Variants in NUP210 observed in about 807,000 individuals in gnomAD.
NUP210 encodes the protein nucleoporin 210, also known as nuclear pore membrane glycoprotein 210.
NUP210 carries 151 observed loss-of-function variants against 196.0 expected under a neutral mutation model. That is an observed-to-expected ratio of 0.77 (90% CI 0.67 to 0.88). NUP210 has a LOEUF of 0.88. NUP210 is among the 40% of genes least tolerant of loss of function. The pLI is 0.00. For synonymous variants in NUP210, 1,070 were observed against 1,052.7 expected, an observed-to-expected ratio of 1.02 and a Z score of -0.32; for missense variants, 2,314 against 2,493.7, an observed-to-expected ratio of 0.93 and a Z score of 1.53.
rs1476547734 is a variant in NUP210, at chr3:13,348,431, T to C, written c.2835+3448A>G. 1.0e-6 allele frequency: 1 copy of C among 985,376 alleles called. No homozygotes were observed. The highest frequency in any genetic ancestry group is 1.7e-5 in the African/African-American group (1 of 57,332). The allele number at this position is 985,376 out of a possible 1,614,324, so 61.0% of individuals were successfully genotyped here. On this transcript the variant is annotated intron_variant, in intron 20 of 39. Coordinates refer to ENST00000254508, the MANE Select transcript of NUP210 (RefSeq NM_024923.4). The surrounding 1 kb of genome is among the most constrained non-coding windows in gnomAD (Gnocchi z 4.0). ...GGTGCAAGGTAAATGTGAATGAGAGTGTGCCTCGGTTTCACTGGCACTGTA... is the reference window on the plus strand; with the variant it reads ...GGTGCAAGGTAAATGTGAATGAGAGCGTGCCTCGGTTTCACTGGCACTGTA...
chr3:13,346,615 C>G (rs779854051), intron 20 of NUP210, among the ~76,000 whole-genome samples: 1 of 152,198 alleles, frequency 6.6e-6, no homozygotes, highest in African/African-American at 2.4e-5. Context: ...TCAAATACCT[C>G]GGAGCTTGCC....
At position 13,377,448 on chromosome 3, in the gene NUP210, G is replaced by A. The variant is rs1249131510; in HGVS notation, c.1152+8C>T. The stretch of plus-strand genomic sequence containing the variant: ...ATCCCCCCAGCCAGGACCTGAACAG[G>A]CACTCACGTCAGATACATAGACCTT... On this transcript the variant is annotated splice_region_variant and intron_variant, in intron 9 of 39. Transcript: ENST00000254508. 6.3e-7 allele frequency: 1 copy of A among 1,592,608 alleles called. No individual in the cohort carries two copies. The highest frequency in any genetic ancestry group is 8.6e-7 in the Non-Finnish European group (1 of 1,161,116).
intron 1 of NUP210, among the ~76,000 whole-genome samples, chr3:13,401,193 AG>A (rs901748537): frequency 0.021 from 24 of 1,164 alleles, no homozygotes; most frequent in African/African-American, 4.0e-3. Context: ...CGGCAGGCGG[AG>A]GCCTGCAGTG....
chr3:13,418,275 T>C (rs950041568), intron 1 of NUP210, among the ~76,000 whole-genome samples: 3 of 152,200 alleles, frequency 2.0e-5, no homozygotes, highest in Non-Finnish European at 4.4e-5. Flanking sequence ...TACGTCTTGA[T>C]TTCAGGAAGG....
chr3:13,399,930 A>C (rs961286427), intron 1 of NUP210, 69 bp from the exon 2 acceptor site: 1 of 1,520,146 alleles, frequency 6.6e-7, no homozygotes, highest in African/African-American at 1.4e-5. Context: ...TCCAGACACC[A>C]GGCTGTGGCA....
At chr3:13,394,374 TTA>T (rs1287113898) in intron 3 of NUP210, among the ~76,000 whole-genome samples, 4 of 152,256 alleles carry the variant, frequency 2.6e-5, no homozygotes, top group Non-Finnish European at 5.9e-5. Context: ...AAAGAAGCTA[TTA>T]GTACCTACTA....
chr3:13,337,039 A>C, intron 26 of NUP210, 121 bp from the exon 27 acceptor site: 1 of 1,237,698 alleles, frequency 8.1e-7, no homozygotes, highest in Non-Finnish European at 1.1e-6. Flanking sequence ...ACTAGAGAAG[A>C]GCATGGCACA....
rs552329643 is a variant in NUP210, at chr3:13,366,052, C to T, written c.1826G>A (p.Arg609Gln). The T allele has an allele frequency of 9.3e-6, 15 of 1,614,160 alleles. No individual in the cohort carries two copies. The highest frequency in any genetic ancestry group is 6.7e-5 in the East Asian group (3 of 44,876). The change falls in exon 14 of 40, where the codon CGG (arginine) becomes CAG (glutamine). Residue 609 changes from arginine to glutamine, a missense_variant. Arg to Gln is a conservative substitution (Grantham distance 43). Coordinates refer to ENST00000254508, the MANE Select transcript of NUP210 (RefSeq NM_024923.4). ...AGAGCCCTGGGCCTCGGCCTTTACC[C>T]GGATGCCGCTGCAGTGCTCAGAGCC... ...PPGSEHCSGI[R>Q]VKAEAQGSTT...
rs370788933 is a variant in NUP210, at chr3:13,397,349, G to A, written c.436+8C>T. On this transcript the variant is annotated splice_region_variant and intron_variant, in intron 3 of 39. Coordinates refer to ENST00000254508, the MANE Select transcript of NUP210 (RefSeq NM_024923.4). Reference sequence around the variant, plus strand: ...TGCAGAAGACAAACAGGCAGGGGACGTTCTCACCTTCGGAGTCCAGGGCCT... The same window carrying A: ...TGCAGAAGACAAACAGGCAGGGGACATTCTCACCTTCGGAGTCCAGGGCCT... 120 of 1,608,120 alleles carry A rather than the reference G, an allele frequency of 7.5e-5. No homozygotes were observed. The highest frequency in any genetic ancestry group is 9.1e-5 in the Non-Finnish European group (107 of 1,178,034).
In NUP210 at chr3:13,397,394, GGA is replaced by G; in HGVS notation, c.397_398del (p.Ser133ProfsTer117). Reference protein sequence around the residue: ...STTRELYLEDSPLELKIQALD... With the variant: ...STTRELYLEDXPLELKIQALD... Reference sequence around the variant, plus strand: ...GGGCCTGGATCTTCAGCTCCAGGGGGGAGTCCTCCAGGTAGAGCTCGCGGGTG... The same window carrying G: ...GGGCCTGGATCTTCAGCTCCAGGGGGGTCCTCCAGGTAGAGCTCGCGGGTG... On this transcript the variant is annotated frameshift_variant, in exon 3 of 40. Transcript: ENST00000254508. LOFTEE classifies it high-confidence loss of function. 6.2e-7 allele frequency: 1 copy of G among 1,612,086 alleles called. No individual in the cohort carries two copies. Among genetic ancestry groups the G allele is most frequent in the Non-Finnish European group, 8.5e-7 (1 of 1,179,252 alleles).
Position 13,345,059 on chromosome 3 carries a change from G to A in NUP210, c.2836-1756C>T, listed in dbSNP as rs149841918. The A allele has an allele frequency of 1.5e-3, 1,490 of 985,366 alleles. 1 individual carries two copies. The highest frequency in any genetic ancestry group is 2.2e-3 in the Admixed American group (36 of 16,280). 61.0% of individuals were successfully genotyped at this position (985,366 alleles called of 1,614,324 possible). On this transcript the variant is annotated intron_variant, in intron 20 of 39. Coordinates refer to ENST00000254508, the MANE Select transcript of NUP210 (RefSeq NM_024923.4). The stretch of plus-strand genomic sequence containing the variant: ...CTGTCCCTAGCACTCACATGCCCTC[G>A]GGACTCAGCCCAGCATCTGGTACAG...
Position 13,347,087 on chromosome 3 carries a change from C to T in NUP210, c.2836-3784G>A. 1 of 985,460 alleles carries T rather than the reference C, an allele frequency of 1.0e-6. No homozygotes were observed. Among genetic ancestry groups the T allele is most frequent in the Non-Finnish European group, 1.2e-6 (1 of 829,938 alleles). 61.0% of individuals were successfully genotyped at this position (985,460 alleles called of 1,614,324 possible). ...CCCACTCATCCTGGACACATGTCCT[C>T]ACCTGAACAATGGCCCCATGACGGG... On this transcript the variant is annotated intron_variant, in intron 20 of 39. Coordinates refer to ENST00000254508, the MANE Select transcript of NUP210 (RefSeq NM_024923.4). This position sits in a 1 kb window ranked among gnomAD's most constrained non-coding sequence, Gnocchi z 4.7.
intron 37 of NUP210, 135 bp downstream of exon 37, chr3:13,319,628 G>A (rs1285732495): frequency 3.9e-6 from 3 of 769,492 alleles, no homozygotes; most frequent in Middle Eastern, 3.2e-4. Flanking sequence ...AATGAGCAGC[G>A]ATCACTTTGA....
chr3:13,388,675 G>A (rs1393057716), intron 4 of NUP210, among the ~76,000 whole-genome samples: 3 of 152,202 alleles, frequency 2.0e-5, no homozygotes, highest in African/African-American at 7.2e-5. Context: ...TTGGCCCCTG[G>A]CCCAGGCTTT....
chr3:13,345,689 C>A (rs6442373), intron 20 of NUP210, among the ~76,000 whole-genome samples: 1 of 152,166 alleles, frequency 6.6e-6, no homozygotes, highest in Non-Finnish European at 1.5e-5. Flanking sequence ...ATCACACTTA[C>A]ACTACAAAAC....
chr3:13,372,598 T>C (rs1698769574), intron 12 of NUP210, among the ~76,000 whole-genome samples: 1 of 152,166 alleles, frequency 6.6e-6, no homozygotes, highest in Admixed American at 6.5e-5. Flanking sequence ...GTGTTCTGAA[T>C]GTCTGGCTCA....
At position 13,419,605 on chromosome 3, in the gene NUP210, C is replaced by A. The variant is rs374679920; in HGVS notation, c.167+455G>T. On this transcript the variant is annotated intron_variant, in intron 1 of 39. Transcript: ENST00000254508. ...CCTCCCCGCGACGCTAGGCGCTGCGCTTCGTTTCACAGACTCACTTCCCAC... is the reference window on the plus strand; with the variant it reads ...CCTCCCCGCGACGCTAGGCGCTGCGATTCGTTTCACAGACTCACTTCCCAC... 2.9e-4 allele frequency among the ~76,000 whole-genome samples: 44 copies of A among 152,342 alleles called. 4 individuals carry two copies. The highest frequency in any genetic ancestry group is 2.5e-3 in the South Asian group (12 of 4,828).
At position 13,347,765 on chromosome 3, in the gene NUP210, G is replaced by A. The variant is rs752411166; in HGVS notation, c.2835+4114C>T. Among the ~76,000 whole-genome samples, 16 of 152,182 alleles carry A rather than the reference G, an allele frequency of 1.1e-4. No homozygotes were observed. Among genetic ancestry groups the A allele is most frequent in the Non-Finnish European group, 2.1e-4 (14 of 68,030 alleles). ...CCACAGCCACGAGTAGACATCCCTC[G>A]GAAACAGTCGCCTGCAACTGTTTCT... On this transcript the variant is annotated intron_variant, in intron 20 of 39. Coordinates refer to ENST00000254508, the MANE Select transcript of NUP210 (RefSeq NM_024923.4). This position sits in a 1 kb window ranked among gnomAD's most constrained non-coding sequence, Gnocchi z 4.7.
At chr3:13,410,533 C>T (rs1030763479) in intron 1 of NUP210, among the ~76,000 whole-genome samples, 4 of 151,166 alleles carry the variant, frequency 2.6e-5, no homozygotes, top group South Asian at 2.1e-4. Context: ...TGCCTGTAAC[C>T]CTAACACTTT....
Sources: gnomAD v4.1 joint callset for allele counts (sites outside exome capture counted in the v4.1 genomes callset) on GRCh38, gnomAD v4.1.1 for gene constraint, Gnocchi (gnomAD v3.1) non-coding constraint, MANE v1.5 for transcripts, NCBI Gene and HGNC (gene_info 2026-07-23, HGNC 2026-07-21) for gene names.